EEFSEC: variants seen among roughly 807,000 people sequenced by gnomAD.
The protein encoded by EEFSEC is eukaryotic elongation factor, selenocysteine-tRNA specific, also known as selenocysteine-specific elongation factor.
In EEFSEC, 43 loss-of-function variants were observed where a neutral mutation model predicts 42.1. That is an observed-to-expected ratio of 1.02 (90% confidence interval 0.80 to 1.32). The LOEUF is 1.32. Ranked by LOEUF, EEFSEC falls within the 40% of genes most tolerant of loss-of-function variation. EEFSEC has a pLI of 0.00. For missense variants in EEFSEC, 745 were observed against 803.6 expected (o/e 0.93, Z 0.88); for synonymous variants, 354 against 339.1 (o/e 1.04, Z -0.48).
chr3:128,391,343 C>CT (rs1310286337), intron 6 of EEFSEC, among the ~76,000 whole-genome samples: 1 of 152,260 alleles, frequency 6.6e-6, no homozygotes, highest in African/African-American at 2.4e-5. Flanking sequence ...AGCCTCCCAT[C>CT]TGTCTCCCCA....
chr3:128,177,818 C>G (rs1035213766), intron 1 of EEFSEC, among the ~76,000 whole-genome samples: 9 of 152,170 alleles, frequency 5.9e-5, no homozygotes, highest in Non-Finnish European at 4.4e-5. Context: ...CTCAAGTTTG[C>G]TTTTATAAAT....
At chr3:128,327,324 C>T (rs111860690) in intron 4 of EEFSEC, among the ~76,000 whole-genome samples, 4,499 of 149,222 alleles carry the variant, frequency 0.03, 222 homozygotes, top group African/African-American at 0.1. Flanking sequence ...CCCTCTCTCC[C>T]GATCTCATTT....
intron 6 of EEFSEC, among the ~76,000 whole-genome samples, chr3:128,398,992 G>A (rs1261761331): frequency 6.6e-6 from 1 of 152,096 alleles, no homozygotes; most frequent in Non-Finnish European, 1.5e-5. Flanking sequence ...TTCCTCCGCA[G>A]AGGCTGCCCC....
intron 1 of EEFSEC, among the ~76,000 whole-genome samples, chr3:128,206,029 T>A (rs770007592): frequency 1.3e-5 from 2 of 152,244 alleles, no homozygotes; most frequent in Non-Finnish European, 2.9e-5. Flanking sequence ...TACAATGCAA[T>A]GTAATGTTGA....
chr3:128,380,864 AG>A (rs997860635), intron 6 of EEFSEC, among the ~76,000 whole-genome samples: 5 of 152,172 alleles, frequency 3.3e-5, no homozygotes, highest in African/African-American at 1.2e-4. Flanking sequence ...CTGTGGGTGG[AG>A]GGGGCCCCAA....
intron 1 of EEFSEC, among the ~76,000 whole-genome samples, chr3:128,238,392 T>C (rs554946934): frequency 3.2e-4 from 48 of 152,362 alleles, no homozygotes; most frequent in South Asian, 1.0e-3. Flanking sequence ...TAACAGGTAC[T>C]GCACAGGCTA....
At chr3:128,319,508 T>C (rs1174566956) in intron 4 of EEFSEC, among the ~76,000 whole-genome samples, 2 of 152,222 alleles carry the variant, frequency 1.3e-5, no homozygotes, top group African/African-American at 4.8e-5. Flanking sequence ...CACGTTGGCC[T>C]GTGTGTTACA....
intron 6 of EEFSEC, among the ~76,000 whole-genome samples, chr3:128,403,416 CA>C (rs377541933): frequency 6.6e-6 from 1 of 152,172 alleles, no homozygotes; most frequent in Admixed American, 6.5e-5. Context: ...ACCTCCCTGA[CA>C]GCGTAGGTCC....
intron 4 of EEFSEC, among the ~76,000 whole-genome samples, chr3:128,314,202 T>C (rs2066921386): frequency 6.6e-6 from 1 of 152,228 alleles, no homozygotes; most frequent in Non-Finnish European, 1.5e-5. Context: ...CTTTGAGGTT[T>C]CAGTGGCTCA....
chr3:128,269,798 C>G (rs2066395251), intron 4 of EEFSEC, among the ~76,000 whole-genome samples: 2 of 152,196 alleles, frequency 1.3e-5, no homozygotes, highest in Non-Finnish European at 2.9e-5. Context: ...TAAGAATCAC[C>G]AGCTTTCTGC....
chr3:128,335,493 G>A (rs2067180320), intron 4 of EEFSEC, among the ~76,000 whole-genome samples: 1 of 152,198 alleles, frequency 6.6e-6, no homozygotes. Flanking sequence ...TCAGGGAATG[G>A]GAAGCAAGGC....
chr3:128,154,564 C>T (rs1386827838), intron 1 of EEFSEC, among the ~76,000 whole-genome samples: 1 of 152,100 alleles, frequency 6.6e-6, no homozygotes, highest in Admixed American at 6.5e-5. Context: ...ATTGTCCTGC[C>T]TCAGTCTCCT....
At chr3:128,378,169 G>A (rs563580662) in intron 6 of EEFSEC, among the ~76,000 whole-genome samples, 2 of 152,282 alleles carry the variant, frequency 1.3e-5, no homozygotes, top group East Asian at 1.9e-4. Flanking sequence ...CCAACCCTGT[G>A]CAATCCAGAG....
At chr3:128,257,590 G>C (rs969645306) in intron 2 of EEFSEC, among the ~76,000 whole-genome samples, 2 of 152,148 alleles carry the variant, frequency 1.3e-5, no homozygotes, top group Non-Finnish European at 1.5e-5. Flanking sequence ...TCCACACCTA[G>C]TTTAACACCA....
intron 2 of EEFSEC, among the ~76,000 whole-genome samples, chr3:128,255,456 G>A (rs778021012): frequency 2.6e-4 from 40 of 152,216 alleles, no homozygotes; most frequent in Non-Finnish European, 5.1e-4. Flanking sequence ...ATGCTTCCCC[G>A]AACCCTGGCC....
intron 6 of EEFSEC, among the ~76,000 whole-genome samples, chr3:128,400,121 CT>C (rs1026812698): frequency 6.6e-5 from 10 of 152,218 alleles, no homozygotes; most frequent in African/African-American, 2.4e-4. Context: ...GGGCAGCTCC[CT>C]CTTGGCCAGG....
chr3:128,386,637 A>G (rs1328067688), intron 6 of EEFSEC, among the ~76,000 whole-genome samples: 1 of 152,234 alleles, frequency 6.6e-6, no homozygotes, highest in Non-Finnish European at 1.5e-5. Flanking sequence ...AATTTTAAAA[A>G]GGCTGTACAG....
chr3:128,422,140 C>G, the EEFSEC span, among the ~76,000 whole-genome samples: 1 of 152,126 alleles, frequency 6.6e-6, no homozygotes. Context: ...CCCTATGGCC[C>G]TGGGGCAACT....
chr3:128,335,443 C>T (rs1323126929), intron 4 of EEFSEC, among the ~76,000 whole-genome samples: 2 of 152,168 alleles, frequency 1.3e-5, no homozygotes, highest in African/African-American at 4.8e-5. Flanking sequence ...AGAGGAACTG[C>T]AGGTGCAGAG....
Sources: gnomAD v4.1 joint callset for allele counts (sites outside exome capture counted in the v4.1 genomes callset) on GRCh38, gnomAD v4.1.1 for gene constraint, MANE v1.5 for transcripts, NCBI Gene and HGNC (gene_info 2026-07-23, HGNC 2026-07-21) for gene names.